GC: variants seen among roughly 807,000 people sequenced by gnomAD.
GC encodes the protein GC vitamin D binding protein.
Under a neutral mutation model 56.7 loss-of-function variants are expected in GC, and 43 were observed. The observed-to-expected ratio is 0.76, with a 90% CI of 0.59 to 0.98. The LOEUF (loss-of-function observed/expected upper bound fraction) is 0.98, where lower values mean the gene tolerates loss of function less well. Ranked by LOEUF, GC falls within the 50% of genes least tolerant of loss-of-function variation. The pLI is 0.00. For missense variants in GC, 529 were observed against 545.9 expected, an observed-to-expected ratio of 0.97 and a Z score of 0.31; for synonymous variants, 216 against 202.7, an observed-to-expected ratio of 1.07 and a Z score of -0.56.
intron 12 of GC, among the ~76,000 whole-genome samples, chr4:71,745,250 C>G (rs1741327625): frequency 1.3e-5 from 2 of 152,156 alleles, no homozygotes; most frequent in Admixed American, 1.3e-4. Flanking sequence ...GATTCTAATT[C>G]AGGTTGGGTG....
intron 7 of GC, among the ~76,000 whole-genome samples, chr4:71,757,182 G>A (rs867107603): frequency 6.6e-6 from 1 of 152,028 alleles, no homozygotes; most frequent in Admixed American, 6.6e-5. Context: ...TAAGTGCAAC[G>A]ATTGCCTAAA....
At chr4:71,761,960 G>A (rs1187637925) in intron 6 of GC, among the ~76,000 whole-genome samples, 5 of 152,224 alleles carry the variant, frequency 3.3e-5, no homozygotes, top group African/African-American at 1.2e-4. Flanking sequence ...GGAAATGTGG[G>A]TGTGGAACCT....
chr4:71,789,023 T>C (rs373972960), upstream of GC, among the ~76,000 whole-genome samples: 2 of 151,920 alleles, frequency 1.3e-5, no homozygotes, highest in East Asian at 3.9e-4. Context: ...AGCCAGGTAA[T>C]TTGTAGAAAC....
Position 71,773,438 on chromosome 4 carries a change from T to A in GC, c.59-4038A>T, listed in dbSNP as rs565022673. 2.0e-5 allele frequency among the ~76,000 whole-genome samples: 3 copies of A among 152,206 alleles called. No individual in the cohort carries two copies. In the South Asian group the frequency reaches 6.2e-4, roughly 32 times the overall value. ...AGAGTTGACAATATTCATTCATACA[T>A]GTAACAGATATTTTTTGAGGCTTAC... is the stretch of plus-strand genomic sequence containing the variant. On this transcript the variant is annotated intron_variant, in intron 1 of 12. Transcript: ENST00000273951.
chr4:71,777,414 A>G (rs990110360), intron 1 of GC, among the ~76,000 whole-genome samples: 12 of 151,620 alleles, frequency 7.9e-5, no homozygotes, highest in Non-Finnish European at 1.6e-4. Flanking sequence ...TGAGCTTTGC[A>G]GTATCATGTA....
chr4:71,795,404 A>G (rs1743072996), intron 1 of GC, among the ~76,000 whole-genome samples: 1 of 152,194 alleles, frequency 6.6e-6, no homozygotes, highest in South Asian at 2.1e-4. Flanking sequence ...TACCTTTACC[A>G]TTATGTAATG....
At position 71,764,012 on chromosome 4, in the gene GC, T is replaced by C. The variant is rs1742073945; in HGVS notation, c.474-76A>G. ...CTACTTTTTTATTTGAGACAGTGTCTTGCCCTGTCATCTAGGCTGGAGTAC... is the reference window on the plus strand; with the variant it reads ...CTACTTTTTTATTTGAGACAGTGTCCTGCCCTGTCATCTAGGCTGGAGTAC... On this transcript the variant is annotated intron_variant, in intron 4 of 12. Transcript: ENST00000273951. The C allele has an allele frequency of 1.0e-5, 12 of 1,161,386 alleles. No individual in the cohort carries two copies. In the South Asian group the frequency reaches 1.4e-4, roughly 14 times the overall value. 71.9% of individuals were successfully genotyped at this position (1,161,386 alleles called of 1,614,324 possible).
chr4:71,771,769 C>T (rs1156621209), intron 1 of GC, among the ~76,000 whole-genome samples: 1 of 152,110 alleles, frequency 6.6e-6, no homozygotes, highest in Non-Finnish European at 1.5e-5. Context: ...GTGACACGTT[C>T]AAAAGGTTAA....
intron 1 of GC, among the ~76,000 whole-genome samples, chr4:71,777,423 T>C (rs1560706573): frequency 6.6e-6 from 1 of 151,582 alleles, no homozygotes; most frequent in Non-Finnish European, 1.5e-5. Context: ...CAGTATCATG[T>C]AGATGGAAAA....
intron 6 of GC, among the ~76,000 whole-genome samples, chr4:71,760,242 C>T (rs146411872): frequency 2.0e-4 from 30 of 149,632 alleles, no homozygotes; most frequent in African/African-American, 4.9e-4. Flanking sequence ...TTAGTAGAGA[C>T]GGGGTTTCAT....
chr4:71,746,206 C>G lies in GC; in HGVS notation c.1396-1G>C. 7.7e-7 allele frequency: 1 copy of G among 1,292,724 alleles called. No homozygotes were observed. The highest frequency in any genetic ancestry group is 1.2e-5 in the South Asian group (1 of 82,984). 80.1% of individuals were successfully genotyped at this position (1,292,724 alleles called of 1,614,324 possible). A position where few individuals can be genotyped will look rare whatever the true frequency, so the allele number is the denominator to read the frequency against. ...GGATATTCTTCAATTCAGCATCAAT[C>G]TGATAATGAAAAAAGAATGTTATAT... On this transcript the variant is annotated splice_acceptor_variant, in intron 11 of 12. Coordinates refer to ENST00000273951, the MANE Select transcript of GC (RefSeq NM_000583.4). LOFTEE classifies it high-confidence loss of function.
chr4:71,744,397 T>C (rs1189539677), intron 12 of GC, among the ~76,000 whole-genome samples: 1 of 139,468 alleles, frequency 7.2e-6, no homozygotes, highest in Non-Finnish European at 1.5e-5. Flanking sequence ...AGGCGGTGCT[T>C]GCAGCGAGCC....
upstream of GC, among the ~76,000 whole-genome samples, chr4:71,784,774 G>A (rs1742792134): frequency 6.6e-6 from 1 of 151,626 alleles, no homozygotes; most frequent in Non-Finnish European, 1.5e-5. Flanking sequence ...GCAAATCTTG[G>A]ACTCCCTACA....
intron 1 of GC, among the ~76,000 whole-genome samples, chr4:71,796,045 T>G (rs13148277): frequency 6.6e-6 from 1 of 152,040 alleles, no homozygotes; most frequent in Admixed American, 6.5e-5. Context: ...GTGATGGTTT[T>G]CCATTTGTGG....
intron 1 of GC, among the ~76,000 whole-genome samples, chr4:71,793,497 A>G (rs1451199699): frequency 6.6e-6 from 1 of 152,136 alleles, no homozygotes; most frequent in South Asian, 2.1e-4. Context: ...ATTTTTATAC[A>G]TTGATTTTGT....
intron 12 of GC, among the ~76,000 whole-genome samples, chr4:71,743,005 G>A (rs772512185): frequency 1.1e-4 from 17 of 152,100 alleles, no homozygotes; most frequent in Non-Finnish European, 2.2e-4. Context: ...AAGAGACAGA[G>A]ATTCTGTCTC....
At chr4:71,782,542 C>T (rs1184339279) in intron 1 of GC, among the ~76,000 whole-genome samples, 3 of 151,812 alleles carry the variant, frequency 2.0e-5, no homozygotes, top group Admixed American at 6.6e-5. Flanking sequence ...TCCATTTCAT[C>T]AGAATCTGAG....
At position 71,789,903 on chromosome 4, in the gene GC, G is replaced by A. The variant is rs550093064; in HGVS notation, c.22-5849C>T. 3.2e-4 allele frequency among the ~76,000 whole-genome samples: 49 copies of A among 151,972 alleles called. 1 individual carries two copies. The South Asian group carries it at 0.01, about 32-fold the overall frequency. On this transcript the variant is annotated intron_variant, in intron 1 of 13. Coordinates refer to the GC transcript ENST00000504199. Reference sequence around the variant, plus strand: ...GACTTTGAAGATGGAAGGAATCTGTGAGCCAAGAAATGCAGGCAGCCCCTA... The same window carrying A: ...GACTTTGAAGATGGAAGGAATCTGTAAGCCAAGAAATGCAGGCAGCCCCTA...
intron 1 of GC, among the ~76,000 whole-genome samples, chr4:71,781,715 C>T (rs943986373): frequency 6.6e-5 from 10 of 151,758 alleles, no homozygotes; most frequent in Non-Finnish European, 1.3e-4. Flanking sequence ...GAAATACTGC[C>T]TTGTTGCTTT....
Sources: gnomAD v4.1 joint callset for allele counts (sites outside exome capture counted in the v4.1 genomes callset) on GRCh38, gnomAD v4.1.1 for gene constraint, MANE v1.5 for transcripts, NCBI Gene and HGNC (gene_info 2026-07-23, HGNC 2026-07-21) for gene names.